Variants in RANBP2 observed in about 807,000 individuals in gnomAD.
The protein encoded by RANBP2 is E3 SUMO-protein ligase RanBP2.
Under a neutral mutation model 303.6 loss-of-function variants are expected in RANBP2, and 57 were observed. The observed-to-expected ratio is 0.19, with a 90% CI of 0.15 to 0.23. The LOEUF is 0.23. Ranked by LOEUF, RANBP2 falls within the 10% of genes least tolerant of loss-of-function variation. RANBP2 has a pLI of 1.00. For missense variants in RANBP2, 3,138 were observed against 3,780.8 expected, an observed-to-expected ratio of 0.83 and a Z score of 4.46; for synonymous variants, 1,167 against 1,301.5, an observed-to-expected ratio of 0.90 and a Z score of 2.23.
chr2:109,366,277 G>A, the RANBP2 span, among the ~76,000 whole-genome samples: 185 of 151,914 alleles, frequency 1.2e-3, no homozygotes, highest in South Asian at 3.1e-3. Context: ...TGCTTTTTTC[G>A]TTTAAAAATA....
chr2:108,736,931 T>C (rs889967355), intron 6 of RANBP2, among the ~76,000 whole-genome samples: 12 of 151,638 alleles, frequency 7.9e-5, no homozygotes, highest in African/African-American at 2.9e-4. Flanking sequence ...GCTGCTTACA[T>C]ACTACAAGGT....
At chr2:109,696,013 C>T in the RANBP2 span, among the ~76,000 whole-genome samples, 1 of 151,906 alleles carries the variant, frequency 6.6e-6, no homozygotes, top group South Asian at 2.1e-4. Flanking sequence ...GCCCAGGCCA[C>T]AGTGCAGTGG....
the RANBP2 span, among the ~76,000 whole-genome samples, chr2:109,399,621 A>G: frequency 6.6e-6 from 1 of 152,186 alleles, no homozygotes; most frequent in African/African-American, 2.4e-5. Context: ...CCAATCAGTC[A>G]ATCAATAAAA....
At chr2:109,408,269 G>A in the RANBP2 span, among the ~76,000 whole-genome samples, 1 of 152,182 alleles carries the variant, frequency 6.6e-6, no homozygotes, top group South Asian at 2.1e-4. Flanking sequence ...ATCAGTACAG[G>A]TAAAGCAGGA....
chr2:108,779,484 A>T (rs769289349), intron 25 of RANBP2, among the ~76,000 whole-genome samples: 117 of 151,144 alleles, frequency 7.7e-4, no homozygotes, highest in Non-Finnish European at 1.6e-4. Context: ...CTTTAAAAAC[A>T]TTTTTTTTTC....
the RANBP2 span, among the ~76,000 whole-genome samples, chr2:109,433,953 C>A: frequency 6.1e-3 from 931 of 152,344 alleles, 10 homozygotes; most frequent in African/African-American, 0.021. Flanking sequence ...CAGCCTCCTG[C>A]GGCTTCTTCA....
chr2:109,530,312 C>G, the RANBP2 span, among the ~76,000 whole-genome samples: 1 of 152,146 alleles, frequency 6.6e-6, no homozygotes, highest in Admixed American at 6.5e-5. Flanking sequence ...GCTGTGACAT[C>G]AAGCAACTGA....
At chr2:109,628,042 T>C in the RANBP2 span, among the ~76,000 whole-genome samples, 1 of 152,188 alleles carries the variant, frequency 6.6e-6, no homozygotes. Flanking sequence ...CATTGACTTC[T>C]TGATTTTCTG....
At chr2:109,268,269 G>A in the RANBP2 span, among the ~76,000 whole-genome samples, 3 of 151,854 alleles carry the variant, frequency 2.0e-5, no homozygotes, top group African/African-American at 4.8e-5. Flanking sequence ...GAAGTGAGGT[G>A]CGGCCCCTTC....
At chr2:108,837,139 T>C in the RANBP2 span, among the ~76,000 whole-genome samples, 1 of 152,212 alleles carries the variant, frequency 6.6e-6, no homozygotes, top group Non-Finnish European at 1.5e-5. Flanking sequence ...GGAAAGGCTT[T>C]CATTCTTTTA....
chr2:108,799,917 T>C, the RANBP2 span, among the ~76,000 whole-genome samples: 2 of 152,300 alleles, frequency 1.3e-5, no homozygotes, highest in South Asian at 4.1e-4. Context: ...GAAATTTTTA[T>C]TTTTGATATT....
At chr2:108,930,556 G>A in the RANBP2 span, among the ~76,000 whole-genome samples, 1 of 152,110 alleles carries the variant, frequency 6.6e-6, no homozygotes, top group East Asian at 1.9e-4. Flanking sequence ...TGGAGGAGGC[G>A]CCCCTGTCCC....
chr2:109,248,897 G>T, the RANBP2 span, among the ~76,000 whole-genome samples: 61 of 45,550 alleles, frequency 1.3e-3, no homozygotes, highest in Non-Finnish European at 2.4e-3. Context: ...TTCCTGTCCT[G>T]TCCTGTCCTG....
the RANBP2 span, among the ~76,000 whole-genome samples, chr2:109,045,799 A>G: frequency 4.8e-3 from 738 of 152,204 alleles, 3 homozygotes; most frequent in Non-Finnish European, 8.2e-3. Context: ...TGAACACACA[A>G]TTACCTCCAA....
At chr2:109,258,047 G>A in the RANBP2 span, among the ~76,000 whole-genome samples, 1 of 152,112 alleles carries the variant, frequency 6.6e-6, no homozygotes, top group East Asian at 1.9e-4. Flanking sequence ...CTTATTTGCT[G>A]ACCCTCACAG....
the RANBP2 span, among the ~76,000 whole-genome samples, chr2:109,029,619 G>C: frequency 6.6e-6 from 1 of 152,206 alleles, no homozygotes; most frequent in African/African-American, 2.4e-5. Context: ...TCCAAAAGTA[G>C]AGCAGGGTGA....
the RANBP2 span, among the ~76,000 whole-genome samples, chr2:109,378,748 C>T: frequency 2.3e-4 from 35 of 152,306 alleles, no homozygotes; most frequent in African/African-American, 7.9e-4. Context: ...CTACTCCATG[C>T]CCCATGACTT....
At chr2:109,129,589 G>A in the RANBP2 span, 3 of 1,482,702 alleles carry the variant, frequency 2.0e-6, no homozygotes, top group African/African-American at 2.9e-5. Context: ...GGCCGCCGCT[G>A]CTGCGCAGAG....
chr2:109,273,940 C>T, the RANBP2 span, among the ~76,000 whole-genome samples: 3 of 152,072 alleles, frequency 2.0e-5, no homozygotes, highest in Non-Finnish European at 2.9e-5. Context: ...TGCTTTAGGG[C>T]TATGTGACTT....
Sources: gnomAD v4.1 joint callset for allele counts (sites outside exome capture counted in the v4.1 genomes callset) on GRCh38, gnomAD v4.1.1 for gene constraint, MANE v1.5 for transcripts, NCBI Gene and HGNC (gene_info 2026-07-23, HGNC 2026-07-21) for gene names.